The following FHIT variants were observed in gnomAD, a reference collection of about 807,000 sequenced individuals.
The protein encoded by FHIT is fragile histidine triad diadenosine triphosphatase, also known as bis(5'-adenosyl)-triphosphatase.
FHIT carries 19 observed loss-of-function variants against 17.9 expected under a neutral mutation model. The observed-to-expected ratio is 1.06, with a 90% CI of 0.74 to 1.56. The LOEUF is 1.56. FHIT is among the 40% of genes most tolerant of loss of function. The pLI, the probability that FHIT is intolerant of heterozygous loss-of-function variation, is 0.00. For missense variants in FHIT, 248 were observed against 189.2 expected (o/e 1.31, Z -1.82); for synonymous variants, 81 against 69.7 (o/e 1.16, Z -0.81).
In FHIT at chr3:60,123,965, AAAATATATATATATATATATAT is replaced by A. The variant is rs1430446206; in HGVS notation, c.104-109835_104-109814del. Reference sequence around the variant, plus strand: ...CACTTCCATTAACAGAAATGCACTAAAAATATATATATATATATATATATATATATATATATATATATATAGA... The same window carrying A: ...CACTTCCATTAACAGAAATGCACTAAATATATATATATATATATATATAGA... On this transcript the variant is annotated intron_variant, in intron 5 of 9. Coordinates refer to ENST00000492590, the MANE Select transcript of FHIT (RefSeq NM_002012.4). Among the ~76,000 whole-genome samples, 38 of 54,554 alleles carry A rather than the reference AAAATATATATATATATATATAT, an allele frequency of 7.0e-4. 1 individual carries two copies. Among genetic ancestry groups the A allele is most frequent in the South Asian group, 2.0e-3 (3 of 1,468 alleles). 35.8% of individuals were successfully genotyped at this position (54,554 alleles called of 152,430 possible).
At chr3:60,007,635 AT>A (rs1418199660) in intron 7 of FHIT, among the ~76,000 whole-genome samples, 3 of 152,198 alleles carry the variant, frequency 2.0e-5, no homozygotes, top group Admixed American at 6.5e-5. Flanking sequence ...TAACGAATAT[AT>A]TTAATATAAA....
chr3:59,870,201 G>A (rs1009193228), intron 8 of FHIT, among the ~76,000 whole-genome samples: 7 of 152,160 alleles, frequency 4.6e-5, no homozygotes, highest in Middle Eastern at 3.4e-3. Context: ...ATCAGGCACC[G>A]AGTCTCTCCA....
Position 60,929,237 on chromosome 3 carries a change from A to C in FHIT, c.-110-107226T>G, listed in dbSNP as rs182598768. ...CAAAATAATAAGAGCTATCTATGAC[A>C]AACCCACAGCCAATATCATACTGAA... is the stretch of plus-strand genomic sequence containing the variant. On this transcript the variant is annotated intron_variant, in intron 3 of 9. Coordinates refer to ENST00000492590, the MANE Select transcript of FHIT (RefSeq NM_002012.4). 3.7e-3 allele frequency among the ~76,000 whole-genome samples: 569 copies of C among 152,332 alleles called. 7 individuals carry two copies. Among genetic ancestry groups the C allele is most frequent in the Non-Finnish European group, 6.0e-3 (405 of 68,026 alleles).
intron 3 of FHIT, among the ~76,000 whole-genome samples, chr3:60,942,021 A>C (rs1400849504): frequency 1.3e-5 from 2 of 152,050 alleles, no homozygotes; most frequent in Non-Finnish European, 2.9e-5. Context: ...GGAGTCTTGC[A>C]CTGTCGCCCA....
At chr3:61,251,269 T>C (rs775793392) in intron 1 of FHIT, 32 bp downstream of exon 1, 1 of 152,272 alleles carries the variant, frequency 6.6e-6, no homozygotes, top group Non-Finnish European at 1.5e-5. Context: ...CCAGAAACAG[T>C]ATTCCACTTG....
At chr3:60,874,462 T>C (rs1553755820) in intron 3 of FHIT, among the ~76,000 whole-genome samples, 1 of 152,166 alleles carries the variant, frequency 6.6e-6, no homozygotes, top group East Asian at 1.9e-4. Flanking sequence ...TCTGTGCACA[T>C]TTTTCTAGAA....
chr3:61,153,932 C>G (rs2037463410), intron 2 of FHIT, among the ~76,000 whole-genome samples: 1 of 152,046 alleles, frequency 6.6e-6, no homozygotes, highest in Non-Finnish European at 1.5e-5. Context: ...AATTTTATTT[C>G]TTAGGGGACA....
chr3:60,999,750 T>C (rs1467507479), intron 3 of FHIT, among the ~76,000 whole-genome samples: 1 of 151,958 alleles, frequency 6.6e-6, no homozygotes, highest in Non-Finnish European at 1.5e-5. Context: ...CAATGGTAGC[T>C]TGTGGGGAAT....
chr3:61,122,541 AAG>A (rs1413700362), intron 2 of FHIT, among the ~76,000 whole-genome samples: 12 of 152,238 alleles, frequency 7.9e-5, no homozygotes, highest in Non-Finnish European at 1.8e-4. Context: ...TGCACAGCAA[AAG>A]AAACTACGAT....
chr3:61,240,460 G>A (rs2040347808), intron 1 of FHIT, among the ~76,000 whole-genome samples: 1 of 152,096 alleles, frequency 6.6e-6, no homozygotes, highest in Non-Finnish European at 1.5e-5. Context: ...CTCCCAGGGT[G>A]GGCATTTGCT....
intron 3 of FHIT, among the ~76,000 whole-genome samples, chr3:60,999,985 T>G (rs761845767): frequency 6.6e-6 from 1 of 152,058 alleles, no homozygotes; most frequent in Non-Finnish European, 1.5e-5. Flanking sequence ...TAGGCACTAA[T>G]CCCATCCATG....
intron 4 of FHIT, among the ~76,000 whole-genome samples, chr3:60,620,104 C>A (rs1281768917): frequency 6.6e-6 from 1 of 152,020 alleles, no homozygotes; most frequent in African/African-American, 2.4e-5. Flanking sequence ...ACAATGATAC[C>A]ACTATGTACC....
intron 4 of FHIT, among the ~76,000 whole-genome samples, chr3:60,701,141 T>A (rs917557575): frequency 1.3e-5 from 2 of 150,634 alleles, no homozygotes; most frequent in East Asian, 3.9e-4. Flanking sequence ...TTTTTTTTTT[T>A]AAGACAGGAT....
chr3:60,776,053 G>C (rs552697237), intron 4 of FHIT, among the ~76,000 whole-genome samples: 1 of 151,892 alleles, frequency 6.6e-6, no homozygotes, highest in Non-Finnish European at 1.5e-5. Context: ...AGAAGATGTT[G>C]TACTAGGCTA....
intron 8 of FHIT, among the ~76,000 whole-genome samples, chr3:59,901,442 A>G (rs935315622): frequency 6.6e-6 from 1 of 152,228 alleles, no homozygotes; most frequent in African/African-American, 2.4e-5. Flanking sequence ...AACACAAAAA[A>G]TCCAACTTAT....
chr3:60,096,611 G>A (rs1703960566), intron 5 of FHIT, among the ~76,000 whole-genome samples: 1 of 152,134 alleles, frequency 6.6e-6, no homozygotes, highest in Non-Finnish European at 1.5e-5. Flanking sequence ...TGTCCTCAGA[G>A]TCATCTGTTC....
chr3:59,994,730 G>C (rs946395841), intron 7 of FHIT, among the ~76,000 whole-genome samples: 18 of 152,044 alleles, frequency 1.2e-4, no homozygotes, highest in African/African-American at 4.1e-4. Flanking sequence ...CAAATCCAAA[G>C]CCCAAACTGG....
At chr3:59,936,425 T>C (rs1706242494) in intron 7 of FHIT, among the ~76,000 whole-genome samples, 1 of 150,596 alleles carries the variant, frequency 6.6e-6, no homozygotes, top group South Asian at 2.1e-4. Context: ...TGCACATTGC[T>C]TTACTGTTTG....
rs146685807 is a variant in FHIT at position 60,269,418 on chromosome 3, G to C, written c.104-255266C>G. On this transcript the variant is annotated intron_variant, in intron 5 of 9. Transcript: ENST00000492590. ...CTAAACTGTCCTGGATCACCTGCTG[G>C]CTGTTCTTTTGAGAAATCTTGGTAT... 2.2e-4 allele frequency among the ~76,000 whole-genome samples: 33 copies of C among 152,256 alleles called. No homozygotes were observed. The East Asian group carries it at 6.2e-3, about 28-fold the overall frequency.
Sources: gnomAD v4.1 joint callset for allele counts (sites outside exome capture counted in the v4.1 genomes callset) on GRCh38, gnomAD v4.1.1 for gene constraint, MANE v1.5 for transcripts, NCBI Gene and HGNC (gene_info 2026-07-23, HGNC 2026-07-21) for gene names.